GMIP: variants seen among roughly 807,000 people sequenced by gnomAD.
GMIP encodes the protein GEM interacting protein.
GMIP carries 54 observed loss-of-function variants against 105.3 expected under a neutral mutation model. The observed-to-expected ratio is 0.51, with a 90% CI of 0.41 to 0.64. GMIP has a LOEUF of 0.64. GMIP is among the 30% of genes least tolerant of loss of function. GMIP has a pLI of 0.00. For synonymous variants in GMIP, 541 were observed against 560.8 expected (o/e 0.96, Z 0.50); for missense variants, 1,110 against 1,319.4 (o/e 0.84, Z 2.46).
At chr19:19,632,470 G>A (rs1214086596) in intron 19 of GMIP, among the ~76,000 whole-genome samples, 2 of 151,748 alleles carry the variant, frequency 1.3e-5, no homozygotes, top group African/African-American at 4.8e-5. Context: ...GGAGGCGGAG[G>A]TTGTGGTGAG....
At chr19:19,636,159 G>A (rs1331259215) in intron 13 of GMIP, among the ~76,000 whole-genome samples, 3 of 144,716 alleles carry the variant, frequency 2.1e-5, no homozygotes, top group Non-Finnish European at 4.5e-5. Flanking sequence ...AGCCAAGATC[G>A]TACCACTGCG....
intron 1 of GMIP, 88 bp downstream of exon 1, chr19:19,643,423 T>C: frequency 8.0e-7 from 1 of 1,256,218 alleles, no homozygotes. Flanking sequence ...CTCCTGGCTC[T>C]CAGGACGGAG....
chr19:19,642,310 A>C (rs758686445), intron 2 of GMIP, among the ~76,000 whole-genome samples: 2 of 152,000 alleles, frequency 1.3e-5, no homozygotes, highest in Non-Finnish European at 1.5e-5. Context: ...AAGGGGTTAC[A>C]AGGATATGTA....
At chr19:19,633,684 TG>T in intron 19 of GMIP, 118 bp downstream of exon 19, 1 of 691,732 alleles carries the variant, frequency 1.4e-6, no homozygotes, top group Non-Finnish European at 2.2e-6. Flanking sequence ...ATAAGTTAAA[TG>T]AGGAAGGGAG....
At position 19,642,609 on chromosome 19, in the gene GMIP, T is replaced by A. The variant is rs943905228; in HGVS notation, c.30A>T (p.Pro10=). 7.5e-6 allele frequency: 12 copies of A among 1,594,860 alleles called. No individual in the cohort carries two copies. The highest frequency in any genetic ancestry group is 9.5e-6 in the Non-Finnish European group (11 of 1,163,860). Residue 10 remains proline (P), a synonymous_variant, in exon 2 of 21, where the codon CCA becomes CCT. Transcript: ENST00000203556. ...TGTACCTCTTCCTGCCCTCAGGACC[T>A]GGGGGGAGTCCTAGGGGAGGGGAGT... MDAAEPGLP[P]GPEGRKRYSD...
At chr19:19,636,827 C>T in intron 12 of GMIP, 31 bp from the exon 13 acceptor site, 1 of 1,588,794 alleles carries the variant, frequency 6.3e-7, no homozygotes, top group Non-Finnish European at 8.6e-7. Flanking sequence ...AGGATGGTCC[C>T]CTGCTCACAA....
At position 19,642,033 on chromosome 19, in the gene GMIP, A is replaced by G. The variant is rs2061926941; in HGVS notation, c.123T>C (p.Ala41=). The G allele has an allele frequency of 5.0e-6, 8 of 1,613,354 alleles. No homozygotes were observed. The East Asian group carries it at 1.8e-4, about 36-fold the overall frequency. The change falls in exon 3 of 21, where the codon GCT becomes GCC. Residue 41 remains alanine (A), a synonymous_variant. Coordinates refer to ENST00000203556, the MANE Select transcript of GMIP (RefSeq NM_016573.4). ...SLGNVTLEML[A]GDPLLSEDPE... is the part of the protein sequence containing the mutation. ...GGTCTTCTGAGAGTAGAGGGTCTCC[A>G]GCCAGCATCTCAAGGGTCCTGGGGG...
chr19:19,635,458 C>T lies in GMIP; in HGVS notation c.1517G>A (p.Arg506His). 2 of 1,610,046 alleles carry T rather than the reference C, an allele frequency of 1.2e-6. No individual in the cohort carries two copies. The highest frequency in any genetic ancestry group is 1.7e-6 in the Non-Finnish European group (2 of 1,179,974). The change falls in exon 15 of 21, where the codon CGC becomes CAC. Residue 506 changes from arginine to histidine, a missense_variant. By Grantham distance (29) the Arg-to-His change is conservative. Transcript: ENST00000203556. The surrounding 1 kb of genome is among the most constrained non-coding windows in gnomAD (Gnocchi z 4.7). Reference protein sequence around the residue: ...LRRLRGPAKCRECEAFMVSGT... With the variant: ...LRRLRGPAKCHECEAFMVSGT... ...GCTGACCATGAAGGCTTCGCACTCG[C>T]GGCACTTGGCTGGGCCCCGCAGTCG...
rs147211671 is a variant in GMIP at position 19,635,712 on chromosome 19, G to A, written c.1337C>T (p.Thr446Met). The A allele has an allele frequency of 1.5e-4, 241 of 1,613,978 alleles. No homozygotes were observed. Among genetic ancestry groups the A allele is most frequent in the Admixed American group, 4.0e-4 (24 of 60,026 alleles). ...GGACGAAGCCTTCACCAGCTGCCTC[G>A]TGCCAGCGCCTGGGGTCAGAGGAAT... is the stretch of plus-strand genomic sequence containing the variant. The part of the protein sequence containing the change: ...DSPTSSPGAG[T>M]RQLVKASSTG... Residue 446 changes from threonine (T) to methionine (M), a missense_variant, in exon 14 of 21, where the codon ACG becomes ATG. Thr to Met is a moderately conservative substitution (Grantham distance 81). Around this residue, in one of 3 missense-constraint regions of GMIP, gnomAD observed 667 missense variants for 773.2 expected, o/e 0.86. Transcript: ENST00000203556. The surrounding 1 kb of genome is among the most constrained non-coding windows in gnomAD (Gnocchi z 4.7).
rs1326752722 is a variant in GMIP at position 19,642,040 on chromosome 19, A to G, written c.116T>C (p.Met39Thr). The change falls in exon 3 of 21, where the codon ATG (methionine) becomes ACG (threonine). Residue 39 changes from methionine to threonine, a missense_variant. This residue lies in a region of GMIP where 667 missense variants were observed against 773.2 expected (regional missense o/e 0.86). Transcript: ENST00000203556. ...TGAGAGTAGAGGGTCTCCAGCCAGC[A>G]TCTCAAGGGTCCTGGGGGATAAAGG... ...EISLGNVTLE[M>T]LAGDPLLSED... The G allele has an allele frequency of 6.2e-7, 1 of 1,612,720 alleles. No homozygotes were observed. The highest frequency in any genetic ancestry group is 1.1e-5 in the South Asian group (1 of 91,000).
intron 19 of GMIP, among the ~76,000 whole-genome samples, chr19:19,631,640 C>A (rs2144834605): frequency 6.6e-6 from 1 of 152,312 alleles, no homozygotes. Context: ...GTGCTGCTAT[C>A]TTCCTGGTTC....
Position 19,634,787 on chromosome 19 carries a change from C to G in GMIP, c.1887+5G>C. The G allele has an allele frequency of 1.2e-6, 2 of 1,613,750 alleles. No individual in the cohort carries two copies. The highest frequency in any genetic ancestry group is 1.7e-6 in the Non-Finnish European group (2 of 1,180,000). On this transcript the variant is annotated splice_donor_5th_base_variant and intron_variant, in intron 17 of 20. Coordinates refer to ENST00000203556, the MANE Select transcript of GMIP (RefSeq NM_016573.4). The surrounding 1 kb of genome is among the most constrained non-coding windows in gnomAD (Gnocchi z 6.1). ...CGCGTCCCCCTCAGTGTCCTGAGCA[C>G]CAACCTCCTGAAGAAATCGCTTGAG...
chr19:19,638,180 C>T lies in GMIP; in HGVS notation c.768G>A (p.Ser256=). ...CCACCTTGGCCTGGGCCTCCTCTCG[C>T]GAGCGCCGCCGCCGCTCCTGCTGCT... ...PSKQQERRRR[S]REEAQAKAQE... The change falls in exon 9 of 21, where the codon TCG becomes TCA. Residue 256 remains serine, a synonymous_variant. Transcript: ENST00000203556. 1.9e-6 allele frequency: 3 copies of T among 1,585,192 alleles called. No homozygotes were observed. Among genetic ancestry groups the T allele is most frequent in the Non-Finnish European group, 2.6e-6 (3 of 1,173,906 alleles).
chr19:19,640,433 A>G lies in GMIP; in HGVS notation c.364+13T>C. ...CTGCCTGGTAACTGGGGCTGGGCGG[A>G]AGAGGTCCTCACCATAGCTGGCTCT... On this transcript the variant is annotated intron_variant, in intron 5 of 20. Transcript: ENST00000203556. 1 of 1,614,066 alleles carries G rather than the reference A, an allele frequency of 6.2e-7. No homozygotes were observed. The highest frequency in any genetic ancestry group is 8.5e-7 in the Non-Finnish European group (1 of 1,180,002).
chr19:19,642,984 G>T (rs189126390), intron 1 of GMIP: 5 of 214,172 alleles, frequency 2.3e-5, no homozygotes, highest in Non-Finnish European at 4.7e-5. Context: ...GCAGAGCCTG[G>T]GGCAGAAACA....
At position 19,637,653 on chromosome 19, in the gene GMIP, G is replaced by C; in HGVS notation, c.928-92C>G. Reference sequence around the variant, plus strand: ...GGGGCGGGGCTTGAGAGACGCGAACGTGGTCAGGGTTTGGGACGCACCTGG... The same window carrying C: ...GGGGCGGGGCTTGAGAGACGCGAACCTGGTCAGGGTTTGGGACGCACCTGG... On this transcript the variant is annotated intron_variant, in intron 10 of 20. Coordinates refer to ENST00000203556, the MANE Select transcript of GMIP (RefSeq NM_016573.4). The surrounding 1 kb of genome is among the most constrained non-coding windows in gnomAD (Gnocchi z 6.7). 1.8e-6 allele frequency: 2 copies of C among 1,107,202 alleles called. No individual in the cohort carries two copies. Among genetic ancestry groups the C allele is most frequent in the Non-Finnish European group, 2.5e-6 (2 of 806,968 alleles). 68.6% of individuals were successfully genotyped at this position (1,107,202 alleles called of 1,614,324 possible).
At position 19,630,179 on chromosome 19, in the gene GMIP, G is replaced by A; in HGVS notation, c.2697C>T (p.Pro899=). Residue 899 remains proline (P), a synonymous_variant, in exon 21 of 21, where the codon CCC becomes CCT. Coordinates refer to ENST00000203556, the MANE Select transcript of GMIP (RefSeq NM_016573.4). This position sits in a 1 kb window ranked among gnomAD's most constrained non-coding sequence, Gnocchi z 4.8. ...LVASKLCEET[P]ITSVPRGSLR... Reference sequence around the variant, plus strand: ...AACTCCCTCTGGGCACTGATGTGATGGGGGTCTCCTCGCACAGCTTGGAAG... The same window carrying A: ...AACTCCCTCTGGGCACTGATGTGATAGGGGTCTCCTCGCACAGCTTGGAAG... 6.2e-7 allele frequency: 1 copy of A among 1,603,588 alleles called. No individual in the cohort carries two copies. The highest frequency in any genetic ancestry group is 1.1e-5 in the South Asian group (1 of 90,254).
rs766003773 is a variant in GMIP, at chr19:19,640,280, G to T, written c.429+16C>A. 3.1e-6 allele frequency: 5 copies of T among 1,610,762 alleles called. No homozygotes were observed. The highest frequency in any genetic ancestry group is 4.2e-6 in the Non-Finnish European group (5 of 1,177,388). Reference sequence around the variant, plus strand: ...TAGGGGGCTTGGGCTCTCCGGGGGGGTCTGGTCATGACTACCTGCTGTTGA... The same window carrying T: ...TAGGGGGCTTGGGCTCTCCGGGGGGTTCTGGTCATGACTACCTGCTGTTGA... On this transcript the variant is annotated intron_variant, in intron 6 of 20. Transcript: ENST00000203556.
Position 19,638,302 on chromosome 19 carries a change from C to T in GMIP, c.646G>A (p.Ala216Thr), listed in dbSNP as rs138961453. Reference protein sequence around the residue: ...MNEAVQALRRAQLQYVQRSED... With the variant: ...MNEAVQALRRTQLQYVQRSED... Reference sequence around the variant, plus strand: ...CTGCGTTGCACATACTGCAGCTGGGCGCGCCGCAGTGCCTGCACCGCCTCA... The same window carrying T: ...CTGCGTTGCACATACTGCAGCTGGGTGCGCCGCAGTGCCTGCACCGCCTCA... The change falls in exon 9 of 21, where the codon GCC becomes ACC. Residue 216 changes from alanine to threonine, a missense_variant. Transcript: ENST00000203556. 3,852 of 1,612,614 alleles carry T rather than the reference C, an allele frequency of 2.4e-3. 5 individuals are homozygous for T. The highest frequency in any genetic ancestry group is 3.0e-3 in the Non-Finnish European group (3,501 of 1,179,974).
Sources: gnomAD v4.1 joint callset for allele counts (sites outside exome capture counted in the v4.1 genomes callset) on GRCh38, gnomAD v4.1.1 for gene constraint, gnomAD v4.1.1 regional missense constraint, Gnocchi (gnomAD v3.1) non-coding constraint, MANE v1.5 for transcripts, NCBI Gene and HGNC (gene_info 2026-07-23, HGNC 2026-07-21) for gene names.